The following ADARB2 variants were observed in gnomAD, a reference collection of about 807,000 sequenced individuals.
ADARB2 encodes the protein adenosine deaminase RNA specific B2 (inactive).
ADARB2 carries 25 observed loss-of-function variants against 62.2 expected under a neutral mutation model. That is an observed-to-expected ratio of 0.40 (90% CI 0.29 to 0.56). The LOEUF is 0.56. Among genes scored for constraint, ADARB2 ranks in the 20% least tolerant of loss-of-function variants. ADARB2 has a pLI of 0.43. For synonymous variants in ADARB2, 572 were observed against 500.8 expected (o/e 1.14, Z -1.90); for missense variants, 1,071 against 1,077.4 (o/e 0.99, Z 0.08).
chr10:1,492,655 C>T (rs1250949923), intron 1 of ADARB2, among the ~76,000 whole-genome samples: 1 of 152,076 alleles, frequency 6.6e-6, no homozygotes, highest in South Asian at 2.1e-4. Context: ...ACAGGTGCAG[C>T]ATTTCACCTG....
chr10:1,724,527 C>T (rs776980047), intron 1 of ADARB2, among the ~76,000 whole-genome samples: 27 of 152,280 alleles, frequency 1.8e-4, no homozygotes, highest in Admixed American at 3.9e-4. Flanking sequence ...TCCTTGTGTG[C>T]GCAGCAGCAG....
chr10:1,465,150 C>T (rs971997553), intron 1 of ADARB2, among the ~76,000 whole-genome samples: 1 of 152,164 alleles, frequency 6.6e-6, no homozygotes, highest in Non-Finnish European at 1.5e-5. Context: ...AGGACGGCTC[C>T]GTTTATGTGT....
At chr10:1,302,287 G>A (rs1240529622) in intron 3 of ADARB2, among the ~76,000 whole-genome samples, 6 of 152,110 alleles carry the variant, frequency 3.9e-5, no homozygotes, top group South Asian at 2.1e-4. Flanking sequence ...TGGAAAATCC[G>A]GTCACTCCCA....
chr10:1,614,592 A>G (rs1307052419), intron 1 of ADARB2, among the ~76,000 whole-genome samples: 1 of 152,218 alleles, frequency 6.6e-6, no homozygotes, highest in African/African-American at 2.4e-5. Context: ...TGTCTGTTTC[A>G]GGACTTAGTA....
intron 4 of ADARB2, among the ~76,000 whole-genome samples, chr10:1,244,062 C>A (rs2131778430): frequency 6.6e-6 from 1 of 152,356 alleles, no homozygotes; most frequent in Admixed American, 6.5e-5. Flanking sequence ...CCTCTCTCAG[C>A]CATCCTGGGT....
chr10:1,492,314 C>A (rs1430361096), intron 1 of ADARB2, among the ~76,000 whole-genome samples: 1 of 152,072 alleles, frequency 6.6e-6, no homozygotes, highest in African/African-American at 2.4e-5. Flanking sequence ...CAGGATGTGA[C>A]TGTGTTTGGA....
chr10:1,613,070 G>C (rs988387965), intron 1 of ADARB2, among the ~76,000 whole-genome samples: 2 of 152,230 alleles, frequency 1.3e-5, no homozygotes, highest in Non-Finnish European at 2.9e-5. Context: ...CAGAGCTTCA[G>C]AATTGTAAAG....
chr10:1,209,714 T>C (rs1189054126), intron 7 of ADARB2, among the ~76,000 whole-genome samples: 8 of 145,750 alleles, frequency 5.5e-5, no homozygotes, highest in Middle Eastern at 3.8e-3. Flanking sequence ...CACCTACAGC[T>C]TGGCCCACAC....
chr10:1,575,992 C>G lies in ADARB2; in HGVS notation c.100+161059G>C, dbSNP rs1564335415. Reference sequence around the variant, plus strand: ...GGCCATGGGAGGGGGCTCAGGGTCACTAAAGGGAAGTTCAGGATCCATGGG... The same window carrying G: ...GGCCATGGGAGGGGGCTCAGGGTCAGTAAAGGGAAGTTCAGGATCCATGGG... On this transcript the variant is annotated intron_variant, in intron 1 of 9. Transcript: ENST00000381312. Among the ~76,000 whole-genome samples, 2 of 130,446 alleles carry G rather than the reference C, an allele frequency of 1.5e-5. 1 individual carries two copies. The highest frequency in any genetic ancestry group is 3.2e-5 in the Non-Finnish European group (2 of 61,714). The allele number at this position is 130,446 out of a possible 152,430, so 85.6% of individuals were successfully genotyped here.
At chr10:1,453,558 A>T (rs1831063127) in intron 1 of ADARB2, among the ~76,000 whole-genome samples, 1 of 152,186 alleles carries the variant, frequency 6.6e-6, no homozygotes, top group African/African-American at 2.4e-5. Flanking sequence ...CTTTTCGAAA[A>T]GGCAACCCAC....
chr10:1,736,548 C>T (rs962387638), intron 1 of ADARB2, among the ~76,000 whole-genome samples: 4 of 152,250 alleles, frequency 2.6e-5, no homozygotes, highest in Non-Finnish European at 4.4e-5. Context: ...TACAAATCGA[C>T]GGGCACCACA....
chr10:1,345,251 G>A (rs937382549), intron 3 of ADARB2, among the ~76,000 whole-genome samples: 2 of 152,216 alleles, frequency 1.3e-5, no homozygotes, highest in Admixed American at 6.5e-5. Flanking sequence ...GCACAGTCCA[G>A]GGACTCTTTC....
chr10:1,727,829 A>G (rs1835186426), intron 1 of ADARB2, among the ~76,000 whole-genome samples: 1 of 152,182 alleles, frequency 6.6e-6, no homozygotes, highest in African/African-American at 2.4e-5. Flanking sequence ...TGTCATTGTG[A>G]TGCCTCACTC....
rs1832861188 is a variant in ADARB2, at chr10:1,422,641, C to G, written c.101-43481G>C. On this transcript the variant is annotated intron_variant, in intron 1 of 9. Coordinates refer to ENST00000381312, the MANE Select transcript of ADARB2 (RefSeq NM_018702.4). ...ACTCTGGAAACCATGGATACCTACA[C>G]ATCTGTGCAAAATTGACACAGTGCC... Among the ~76,000 whole-genome samples, 3 of 152,210 alleles carry G rather than the reference C, an allele frequency of 2.0e-5. No homozygotes were observed. In the South Asian group the frequency reaches 6.2e-4, roughly 32 times the overall value.
Position 1,595,922 on chromosome 10 carries a change from C to T in ADARB2, c.100+141129G>A, listed in dbSNP as rs1300596587. 3.9e-5 allele frequency among the ~76,000 whole-genome samples: 6 copies of T among 152,296 alleles called. No homozygotes were observed. In the East Asian group the frequency reaches 1.2e-3, roughly 29 times the overall value. On this transcript the variant is annotated intron_variant, in intron 1 of 9. Coordinates refer to ENST00000381312, the MANE Select transcript of ADARB2 (RefSeq NM_018702.4). ...AGTAAATGTGCTGTGTTCCACAGCCCGCTGGCCTCGCTCATGCCTTCTGCA... is the reference window on the plus strand; with the variant it reads ...AGTAAATGTGCTGTGTTCCACAGCCTGCTGGCCTCGCTCATGCCTTCTGCA...
chr10:1,686,997 T>A (rs904988321), intron 1 of ADARB2, among the ~76,000 whole-genome samples: 6 of 150,906 alleles, frequency 4.0e-5, no homozygotes, highest in Non-Finnish European at 8.8e-5. Context: ...AGAGCCTGAG[T>A]CCCTCTTGCC....
intron 1 of ADARB2, among the ~76,000 whole-genome samples, chr10:1,486,668 G>A (rs1831546403): frequency 6.6e-6 from 1 of 152,142 alleles, no homozygotes. Flanking sequence ...AAAAGCAGGG[G>A]TGCAAAAGAA....
At chr10:1,205,461 C>G (rs181236853) in intron 7 of ADARB2, among the ~76,000 whole-genome samples, 1 of 151,220 alleles carries the variant, frequency 6.6e-6, no homozygotes, top group Non-Finnish European at 1.5e-5. Flanking sequence ...CACGGGAGCC[C>G]GTGGCACAGC....
At chr10:1,578,524 G>A (rs1184412580) in intron 1 of ADARB2, among the ~76,000 whole-genome samples, 3 of 152,164 alleles carry the variant, frequency 2.0e-5, no homozygotes, top group African/African-American at 7.2e-5. Flanking sequence ...CCCCGCCTGT[G>A]AGTGCTCGGC....
Sources: gnomAD v4.1 joint callset for allele counts (sites outside exome capture counted in the v4.1 genomes callset) on GRCh38, gnomAD v4.1.1 for gene constraint, MANE v1.5 for transcripts, NCBI Gene and HGNC (gene_info 2026-07-23, HGNC 2026-07-21) for gene names.